The following HLTF variants were observed in gnomAD, a reference collection of about 807,000 sequenced individuals.
HLTF encodes the protein helicase like transcription factor.
In HLTF, 127 loss-of-function variants were observed where a neutral mutation model predicts 129.4. The ratio of observed to expected loss-of-function variants is 0.98; its 90% CI spans 0.85 to 1.14. The LOEUF is 1.14. Ranked by LOEUF, HLTF falls within the 50% of genes most tolerant of loss-of-function variation. The probability of loss-of-function intolerance (pLI) is 0.00; values close to 1 mark genes in which losing one functional copy is unlikely to be tolerated. For missense variants in HLTF, 1,139 were observed against 1,187.1 expected, an observed-to-expected ratio of 0.96 and a Z score of 0.60; for synonymous variants, 332 against 388.8, an observed-to-expected ratio of 0.85 and a Z score of 1.72.
chr3:149,063,717 A>C (rs1280355680), intron 9 of HLTF, among the ~76,000 whole-genome samples, 193 bp from the exon 10 acceptor site: 4 of 151,982 alleles, frequency 2.6e-5, no homozygotes. Flanking sequence ...AAGTACCTTC[A>C]AATTTTTATG....
intron 17 of HLTF, among the ~76,000 whole-genome samples, chr3:149,047,073 C>T (rs534332068): frequency 2.8e-4 from 42 of 152,066 alleles, no homozygotes; most frequent in Non-Finnish European, 5.0e-4. Flanking sequence ...TCATGCACTC[C>T]GATATTTACT....
chr3:149,068,124 A>G (rs1442954570), intron 8 of HLTF, 116 bp downstream of exon 8: 2 of 578,166 alleles, frequency 3.5e-6, no homozygotes, highest in Non-Finnish European at 6.2e-6. Flanking sequence ...AGACAGAGAG[A>G]CCATTCATCG....
chr3:149,042,199 GAAGGT>G lies in HLTF; in HGVS notation c.2159_2163del (p.Tyr720SerfsTer14). The G allele has an allele frequency of 6.2e-7, 1 of 1,613,336 alleles. No homozygotes were observed. Among genetic ancestry groups the G allele is most frequent in the Non-Finnish European group, 8.5e-7 (1 of 1,179,384 alleles). ...CCATTGGAAGACACTGCATTTGTAA[GAAGGT>G]AAGTATGGCAACAAATTTGCCGCAG... is the stretch of plus-strand genomic sequence containing the variant. On this transcript the variant is annotated frameshift_variant, in exon 19 of 25. Transcript: ENST00000310053. LOFTEE classifies it high-confidence loss of function.
At chr3:149,085,948 G>A (rs1036117053) in intron 1 of HLTF, among the ~76,000 whole-genome samples, 8 of 152,144 alleles carry the variant, frequency 5.3e-5, no homozygotes, top group African/African-American at 1.9e-4. Context: ...ATACAGATAA[G>A]CTGTGAGCCA....
At chr3:149,056,977 C>T (rs1308595247) in intron 13 of HLTF, among the ~76,000 whole-genome samples, 5 of 151,306 alleles carry the variant, frequency 3.3e-5, no homozygotes, top group Admixed American at 6.6e-5. Context: ...GGGGAGGTGG[C>T]GGGCGCCTGT....
intron 16 of HLTF, among the ~76,000 whole-genome samples, chr3:149,048,503 C>A (rs1226505618): frequency 6.6e-6 from 1 of 152,168 alleles, no homozygotes; most frequent in Non-Finnish European, 1.5e-5. Flanking sequence ...AGTTTACATT[C>A]TTTTCCTTAC....
chr3:149,082,127 T>A (rs1352372053), intron 2 of HLTF, among the ~76,000 whole-genome samples: 1 of 152,322 alleles, frequency 6.6e-6, no homozygotes, highest in South Asian at 2.1e-4. Context: ...TCAATGTATA[T>A]GAAGTTCTAG....
intron 8 of HLTF, among the ~76,000 whole-genome samples, chr3:149,067,338 A>G (rs1718472990): frequency 6.6e-6 from 1 of 152,154 alleles, no homozygotes; most frequent in South Asian, 2.1e-4. Context: ...GTGAGGAACC[A>G]AACTCCACAC....
At chr3:149,083,410 C>T (rs913615814) in intron 2 of HLTF, among the ~76,000 whole-genome samples, 3 of 151,344 alleles carry the variant, frequency 2.0e-5, no homozygotes, top group African/African-American at 7.3e-5. Context: ...TAGAGTTTAC[C>T]GAAGTCATAG....
Position 149,066,424 on chromosome 3 carries a change from G to A in HLTF, c.991-1558C>T, listed in dbSNP as rs533101503. Among the ~76,000 whole-genome samples, 9 of 152,086 alleles carry A rather than the reference G, an allele frequency of 5.9e-5. No individual in the cohort carries two copies. In the East Asian group the frequency reaches 1.5e-3, roughly 26 times the overall value. The stretch of plus-strand genomic sequence containing the variant: ...AGTTCAAAGATAAACTTTTTATCAA[G>A]TCCAAGCTGGATGAAATAATAGTAT... On this transcript the variant is annotated intron_variant, in intron 8 of 24. Transcript: ENST00000310053.
rs572911138 is a variant in HLTF at position 149,038,929 on chromosome 3, A to C, written c.2796+120T>G. 3 of 556,492 alleles carry C rather than the reference A, an allele frequency of 5.4e-6. No individual in the cohort carries two copies. In the South Asian group the frequency reaches 1.1e-4, roughly 20 times the overall value. 34.5% of individuals were successfully genotyped at this position (556,492 alleles called of 1,614,324 possible). The stretch of plus-strand genomic sequence containing the variant: ...ACTAAGTTTTTGTTATTTATTTCTA[A>C]AGTTTGCCTAAGAATTTTCACAGTT... On this transcript the variant is annotated intron_variant, in intron 23 of 24. Coordinates refer to ENST00000310053, the MANE Select transcript of HLTF (RefSeq NM_003071.4).
chr3:149,076,031 A>T lies in HLTF; in HGVS notation c.245T>A (p.Met82Lys). The change falls in exon 3 of 25, where the codon ATG (methionine) becomes AAG (lysine). Residue 82 changes from methionine to lysine, a missense_variant. Physicochemically the swap from Met to Lys is moderately conservative, Grantham distance 95. Coordinates refer to ENST00000310053, the MANE Select transcript of HLTF (RefSeq NM_003071.4). ...ATTAGGATCTCGTTGTAATGCAACCATTTCATTATTATTAACCTAATAAAA... is the reference window on the plus strand; with the variant it reads ...ATTAGGATCTCGTTGTAATGCAACCTTTTCATTATTATTAACCTAATAAAA... ...YYTGVVNNNE[M>K]VALQRDPNNP... The T allele has an allele frequency of 2.2e-6, 3 of 1,352,166 alleles. No individual in the cohort carries two copies. Among genetic ancestry groups the T allele is most frequent in the Non-Finnish European group, 3.1e-6 (3 of 956,914 alleles). The allele number at this position is 1,352,166 out of a possible 1,614,324, so 83.8% of individuals were successfully genotyped here.
chr3:149,072,127 C>T (rs1718928089), intron 5 of HLTF, among the ~76,000 whole-genome samples: 1 of 152,118 alleles, frequency 6.6e-6, no homozygotes, highest in Non-Finnish European at 1.5e-5. Flanking sequence ...GCACATAAAT[C>T]AACTCTAGAA....
At chr3:149,068,369 T>C (rs777653001) in intron 7 of HLTF, 34 bp from the exon 8 acceptor site, 1 of 1,003,176 alleles carries the variant, frequency 1.0e-6, no homozygotes, top group Non-Finnish European at 1.5e-6. Context: ...AATGGTCAGA[T>C]TGTGAAACCC....
At chr3:149,073,413 G>C (rs938585243) in intron 4 of HLTF, 91 bp from the exon 5 acceptor site, 1 of 883,684 alleles carries the variant, frequency 1.1e-6, no homozygotes, top group Middle Eastern at 3.3e-4. Context: ...CATTAACAGG[G>C]CTGGGTGCTG....
intron 19 of HLTF, 66 bp downstream of exon 19, chr3:149,042,100 A>T: frequency 6.8e-7 from 1 of 1,462,536 alleles, no homozygotes; most frequent in East Asian, 2.3e-5. Flanking sequence ...ACATAAAAAA[A>T]ATTTATCACT....
rs1716703116 is a variant in HLTF, at chr3:149,048,099, T to C, written c.1821A>G (p.Pro607=). 6.2e-7 allele frequency: 1 copy of C among 1,613,086 alleles called. No homozygotes were observed. The highest frequency in any genetic ancestry group is 8.5e-7 in the Non-Finnish European group (1 of 1,179,364). The change falls in exon 17 of 25, where the codon CCA becomes CCG. Residue 607 remains proline (P), a synonymous_variant. Coordinates refer to ENST00000310053, the MANE Select transcript of HLTF (RefSeq NM_003071.4). ...WSLLSFLKLK[P]FIDREWWHRT... The stretch of plus-strand genomic sequence containing the variant: ...TATGCCACCATTCTCTATCAATAAA[T>C]GGTTTAAGTTTTAAAAAGGAAAGAA...
At chr3:149,049,144 A>G in intron 15 of HLTF, 143 bp from the exon 16 acceptor site, 1 of 518,986 alleles carries the variant, frequency 1.9e-6, no homozygotes, top group South Asian at 3.8e-5. Context: ...TTAATTATTG[A>G]ATACTCACAA....
intron 15 of HLTF, 66 bp from the exon 16 acceptor site, chr3:149,049,067 C>T (rs1716778921): frequency 2.8e-6 from 3 of 1,085,550 alleles, no homozygotes; most frequent in Admixed American, 4.0e-5. Flanking sequence ...ATATGATTTG[C>T]TAACTAGTTG....
Sources: gnomAD v4.1 joint callset for allele counts (sites outside exome capture counted in the v4.1 genomes callset) on GRCh38, gnomAD v4.1.1 for gene constraint, MANE v1.5 for transcripts, NCBI Gene and HGNC (gene_info 2026-07-23, HGNC 2026-07-21) for gene names.